Variants in PCDHAC1 observed in about 807,000 individuals in gnomAD.
PCDHAC1 encodes protocadherin alpha subfamily C, 1.
Under a neutral mutation model 60.0 loss-of-function variants are expected in PCDHAC1, and 42 were observed. The ratio of observed to expected loss-of-function variants is 0.70; its 90% CI spans 0.55 to 0.90. The LOEUF is 0.90. Ranked by LOEUF, PCDHAC1 falls within the 40% of genes least tolerant of loss-of-function variation. The pLI is 0.00. For missense variants in PCDHAC1, 1,160 were observed against 1,222.3 expected (o/e 0.95, Z 0.76); for synonymous variants, 468 against 499.3 (o/e 0.94, Z 0.84).
intron 1 of PCDHAC1, among the ~76,000 whole-genome samples, chr5:140,934,826 A>C (rs556197038): frequency 1.1e-4 from 17 of 152,294 alleles, no homozygotes; most frequent in South Asian, 1.0e-3. Context: ...TAACTTTGGC[A>C]AGTTGGGAAC....
At chr5:140,982,054 G>T (rs565307071) in intron 2 of PCDHAC1, among the ~76,000 whole-genome samples, 1 of 152,322 alleles carries the variant, frequency 6.6e-6, no homozygotes, top group East Asian at 1.9e-4. Context: ...AAATATTTTA[G>T]TGTGTTTTCT....
intron 3 of PCDHAC1, among the ~76,000 whole-genome samples, chr5:141,009,322 G>C (rs2098405890): frequency 6.6e-6 from 1 of 152,206 alleles, no homozygotes. Flanking sequence ...AGCCTGGCAT[G>C]GGAGCTTGTG....
intron 1 of PCDHAC1, among the ~76,000 whole-genome samples, chr5:140,937,093 A>G (rs1466127180): frequency 6.8e-6 from 1 of 146,414 alleles, no homozygotes; most frequent in African/African-American, 2.6e-5. Context: ...GCTGGAGTGC[A>G]GTGGCGCAGT....
chr5:140,974,396 G>C (rs1413050341), intron 1 of PCDHAC1, among the ~76,000 whole-genome samples: 1 of 152,178 alleles, frequency 6.6e-6, no homozygotes, highest in Admixed American at 6.5e-5. Context: ...CATTAGGTAT[G>C]TTCTAAAGTT....
At chr5:140,948,325 C>T (rs1554218520) in intron 1 of PCDHAC1, among the ~76,000 whole-genome samples, 1 of 151,476 alleles carries the variant, frequency 6.6e-6, no homozygotes. Flanking sequence ...GTAATGTTTT[C>T]ATTAGGTTTT....
In PCDHAC1 at chr5:140,927,940, C is replaced by T. The variant is rs1247043975; in HGVS notation, c.1048C>T (p.Pro350Ser). 1 of 1,614,108 alleles carries T rather than the reference C, an allele frequency of 6.2e-7. No homozygotes were observed. The highest frequency in any genetic ancestry group is 1.3e-5 in the African/African-American group (1 of 74,930). Residue 350 changes from proline (P) to serine (S), a missense_variant, in exon 1 of 4, where the codon CCT (proline) becomes TCT (serine). This residue lies in a region of PCDHAC1 where 1,113 missense variants were observed against 1,163.7 expected (regional missense o/e 0.96). Transcript: ENST00000253807. The part of the protein sequence containing the change: ...LDFLTLSNPV[P>S]EDAAPGTVIA... Reference sequence around the variant, plus strand: ...CTTCCTGACTCTTTCGAACCCAGTACCTGAGGACGCTGCCCCTGGCACAGT... The same window carrying T: ...CTTCCTGACTCTTTCGAACCCAGTATCTGAGGACGCTGCCCCTGGCACAGT...
Position 141,009,900 on chromosome 5 carries a change from A to G in PCDHAC1, c.2855A>G (p.Glu952Gly). The G allele has an allele frequency of 6.2e-7, 1 of 1,613,166 alleles. No individual in the cohort carries two copies. The highest frequency in any genetic ancestry group is 8.5e-7 in the Non-Finnish European group (1 of 1,179,840). Residue 952 changes from glutamate (E) to glycine (G), a missense_variant, in exon 4 of 4, where the codon GAG becomes GGG. Physicochemically the swap from Glu to Gly is moderately conservative, Grantham distance 98. Around this residue, in one of 3 missense-constraint regions of PCDHAC1, gnomAD observed 1,113 missense variants for 1,163.7 expected, o/e 0.96. Coordinates refer to ENST00000253807, the MANE Select transcript of PCDHAC1 (RefSeq NM_018898.5). Reference sequence around the variant, plus strand: ...GGTAACAAGACCCAGGAGAAAAAAGAGAAAGGGAACAGCACGACTGACAAC... The same window carrying G: ...GGTAACAAGACCCAGGAGAAAAAAGGGAAAGGGAACAGCACGACTGACAAC... ...KKGNKTQEKK[E>G]KGNSTTDNSD...
At chr5:140,986,511 C>T (rs181646630) in intron 3 of PCDHAC1, among the ~76,000 whole-genome samples, 76 of 152,288 alleles carry the variant, frequency 5.0e-4, no homozygotes, top group African/African-American at 1.8e-3. Context: ...AAGGACTGCC[C>T]CTGCCTGTGA....
At chr5:140,973,959 G>A (rs782474164) in intron 1 of PCDHAC1, among the ~76,000 whole-genome samples, 2 of 152,198 alleles carry the variant, frequency 1.3e-5, no homozygotes, top group Admixed American at 6.5e-5. Flanking sequence ...TTTTACAGGT[G>A]TCTTTAAATG....
At chr5:140,954,014 A>T (rs782347890) in intron 1 of PCDHAC1, among the ~76,000 whole-genome samples, 1 of 152,038 alleles carries the variant, frequency 6.6e-6, no homozygotes, top group Non-Finnish European at 1.5e-5. Context: ...CAGCTCCCAC[A>T]CATAGTGGGA....
chr5:140,966,848 C>G, intron 1 of PCDHAC1: 1 of 1,571,846 alleles, frequency 6.4e-7, no homozygotes, highest in Non-Finnish European at 8.6e-7. Context: ...GCTACTGCCT[C>G]TCCTGCTGCT....
chr5:140,945,828 A>T (rs2093847646), intron 1 of PCDHAC1, among the ~76,000 whole-genome samples: 1 of 152,176 alleles, frequency 6.6e-6, no homozygotes, highest in Admixed American at 6.5e-5. Flanking sequence ...TACAAAAGTC[A>T]ACTCAAAATG....
chr5:140,937,964 A>G (rs1298140144), intron 1 of PCDHAC1, among the ~76,000 whole-genome samples: 1 of 152,164 alleles, frequency 6.6e-6, no homozygotes, highest in East Asian at 1.9e-4. Flanking sequence ...GAAAGTATAT[A>G]GAAATAATAC....
intron 3 of PCDHAC1, among the ~76,000 whole-genome samples, chr5:140,992,500 A>C (rs1205902091): frequency 6.6e-6 from 1 of 152,222 alleles, no homozygotes; most frequent in Non-Finnish European, 1.5e-5. Context: ...GTAAGGATTC[A>C]ATCCTGGGGC....
At chr5:140,991,757 C>T (rs1554252410) in intron 3 of PCDHAC1, among the ~76,000 whole-genome samples, 1 of 152,160 alleles carries the variant, frequency 6.6e-6, no homozygotes, top group African/African-American at 2.4e-5. Context: ...CTATCATGCT[C>T]TTCAAAATTC....
chr5:140,928,279 TCTCTAGGC>T lies in PCDHAC1; in HGVS notation c.1389_1396del (p.Leu464SerfsTer17). ...TGCTGAAAACAATGGCCCTGGGGCC[TCTCTAGGC>T]CGAGTGTTTGCCCAGGACCCCGACC... On this transcript the variant is annotated frameshift_variant, in exon 1 of 4. Transcript: ENST00000253807. LOFTEE classifies it high-confidence loss of function. The T allele has an allele frequency of 6.2e-7, 1 of 1,614,144 alleles. No individual in the cohort carries two copies. The highest frequency in any genetic ancestry group is 8.5e-7 in the Non-Finnish European group (1 of 1,180,028).
intron 3 of PCDHAC1, among the ~76,000 whole-genome samples, chr5:140,986,776 C>T (rs916981139): frequency 2.6e-5 from 4 of 152,098 alleles, no homozygotes; most frequent in Non-Finnish European, 4.4e-5. Flanking sequence ...AATTAGGTAG[C>T]GGAAGCCACT....
At chr5:140,963,925 T>C (rs1293339875) in intron 1 of PCDHAC1, among the ~76,000 whole-genome samples, 1 of 152,230 alleles carries the variant, frequency 6.6e-6, no homozygotes, top group Non-Finnish European at 1.5e-5. Flanking sequence ...CTAAGTAACA[T>C]GTCCATAGCC....
Position 140,979,003 on chromosome 5 carries a change from C to G in PCDHAC1, c.2488C>G (p.His830Asp). ...RYSASLRAGM[H>D]SSVHLEEAGI... Reference sequence around the variant, plus strand: ...CTCTGCCTCCCTGAGAGCAGGCATGCACAGGTATGTATTTCCCTCCTCATT... The same window carrying G: ...CTCTGCCTCCCTGAGAGCAGGCATGGACAGGTATGTATTTCCCTCCTCATT... The change falls in exon 2 of 4, where the codon CAC becomes GAC. Residue 830 changes from histidine (H) to aspartate (D), a missense_variant. By Grantham distance (81) the His-to-Asp change is moderately conservative. Transcript: ENST00000253807. 1.2e-6 allele frequency: 2 copies of G among 1,614,144 alleles called. No homozygotes were observed. The highest frequency in any genetic ancestry group is 1.7e-6 in the Non-Finnish European group (2 of 1,180,022).
Sources: allele counts gnomAD v4.1 joint callset (sites outside exome capture counted in the v4.1 genomes callset), GRCh38; gene constraint gnomAD v4.1.1; regional missense constraint gnomAD v4.1.1; transcripts MANE v1.5; gene names NCBI Gene and HGNC (gene_info 2026-07-23, HGNC 2026-07-21).